Variants in MAGEE2 observed in about 807,000 individuals in gnomAD.
MAGEE2 encodes MAGE family member E2.
For missense variants in MAGEE2, 508 were observed against 391.1 expected (o/e 1.30, Z -2.52); for synonymous variants, 189 against 155.4 (o/e 1.22, Z -1.61).
At position 75,784,868 on chromosome X, in the gene MAGEE2, C is replaced by A. The variant is rs142989384; in HGVS notation, c.184G>T (p.Val62Phe). The change falls in exon 1 of 1, where the codon GTT (valine) becomes TTT (phenylalanine). Residue 62 changes from valine to phenylalanine, a missense_variant. Coordinates refer to ENST00000373359, the MANE Select transcript of MAGEE2 (RefSeq NM_138703.5). ...NSQCVNTSQA[V>F]QDPNDLEVLI... ...ACCTCCAGGTCATTCGGGTCCTGAA[C>A]GGCCTGGGAAGTGTTGACACACTGA... 6 of 1,203,363 alleles carry A rather than the reference C, an allele frequency of 5.0e-6. No individual in the cohort carries two copies. In the Admixed American group the frequency reaches 6.6e-5, roughly 13 times the overall value.
chrX:75,783,984 A>G lies in MAGEE2; in HGVS notation c.1068T>C (p.Ala356=). ...CATAGAACATATCAAGAATTAGAGT[A>G]GCTCTATTGAGGATATTTGGGAACA... ...EDVFPNILNR[A]TLILDMFYGL... The change falls in exon 1 of 1, where the codon GCT becomes GCC. Residue 356 remains alanine (A), a synonymous_variant. Coordinates refer to ENST00000373359, the MANE Select transcript of MAGEE2 (RefSeq NM_138703.5). 2 of 1,210,368 alleles carry G rather than the reference A, an allele frequency of 1.7e-6. No homozygotes were observed. The highest frequency in any genetic ancestry group is 1.8e-5 in the South Asian group (1 of 56,963).
rs373353627 is a variant in MAGEE2 at position 75,783,611 on chromosome X, A to G, written c.1441T>C (p.Leu481=). ...CTGTAGAGCCTGGCCATGTACTCCA[A>G]GACTTTCATTTTGATGGTTTCATGG... is the stretch of plus-strand genomic sequence containing the variant. ...AHHETIKMKV[L]EYMARLYRKR... is the part of the protein sequence containing the mutation. The change falls in exon 1 of 1, where the codon TTG becomes CTG. Residue 481 remains leucine, a synonymous_variant. Coordinates refer to ENST00000373359, the MANE Select transcript of MAGEE2 (RefSeq NM_138703.5). 263 of 1,209,781 alleles carry G rather than the reference A, an allele frequency of 2.2e-4. No individual in the cohort carries two copies. Among genetic ancestry groups the G allele is most frequent in the Middle Eastern group, 4.6e-4 (2 of 4,353 alleles).
Position 75,784,291 on chromosome X carries a change from C to T in MAGEE2, c.761G>A (p.Gly254Asp), listed in dbSNP as rs1488311952. The T allele has an allele frequency of 8.3e-7, 1 of 1,209,604 alleles. No individual in the cohort carries two copies. Among genetic ancestry groups the T allele is most frequent in the African/African-American group, 1.8e-5 (1 of 56,991 alleles). The change falls in exon 1 of 1, where the codon GGC (glycine) becomes GAC (aspartate). Residue 254 changes from glycine (G) to aspartate (D), a missense_variant. By Grantham distance (94) the Gly-to-Asp change is moderately conservative. Transcript: ENST00000373359. ...TNPLEFEFLW[G>D]SRAHREITKM... ...TGTGATTTCCCTGTGGGCTCTAGAG[C>T]CCCACAAGAACTCAAACTCAAGGGG...
Position 75,785,068 on chromosome X carries a change from A to T in MAGEE2, c.-17T>A. 1 of 1,119,965 alleles carries T rather than the reference A, an allele frequency of 8.9e-7. No individual in the cohort carries two copies. Among genetic ancestry groups the T allele is most frequent in the Non-Finnish European group, 1.2e-6 (1 of 851,156 alleles). The allele number at this position is 1,119,965 out of a possible 1,213,427, so 92.3% of individuals were successfully genotyped here. A position where few individuals can be genotyped will look rare whatever the true frequency, so the allele number is the denominator to read the frequency against. ...CAGAGACATGGTTCCAGGAGACAGG[A>T]GCGGGAACGGTGAGATCAGCGATCA... On this transcript the variant is annotated 5_prime_UTR_variant, in exon 1 of 1. Coordinates refer to ENST00000373359, the MANE Select transcript of MAGEE2 (RefSeq NM_138703.5).
At position 75,783,121 on chromosome X, in the gene MAGEE2, G is replaced by C. The variant is rs1396279502; in HGVS notation, c.*359C>G. ...AGAGCAATCACAGATCAGTGGTTTT[G>C]TGTTTGTTTTGTTGTGTGTGTGTCA... On this transcript the variant is annotated 3_prime_UTR_variant, in exon 1 of 1. Transcript: ENST00000373359. The C allele has an allele frequency of 1.1e-5, 2 of 187,652 alleles. No individual in the cohort carries two copies. The highest frequency in any genetic ancestry group is 9.9e-6 in the Non-Finnish European group (1 of 100,820). 15.5% of individuals were successfully genotyped at this position (187,652 alleles called of 1,213,427 possible).
chrX:75,783,798 G>C lies in MAGEE2; in HGVS notation c.1254C>G (p.Val418=), dbSNP rs145044834. The C allele has an allele frequency of 2.0e-5, 24 of 1,209,824 alleles. No individual in the cohort carries two copies. In the African/African-American group the frequency reaches 3.2e-4, roughly 16 times the overall value. The stretch of plus-strand genomic sequence containing the variant: ...GCAAGTTCCAGACATTGGCCTCTTT[G>C]ACACGGTTGCCCATCAGGAAGATCA... ...LGLIFLMGNR[V]KEANVWNLLR... is the part of the protein sequence containing the mutation. Residue 418 remains valine (V), a synonymous_variant, in exon 1 of 1, where the codon GTC becomes GTG. Transcript: ENST00000373359.
Position 75,784,380 on chromosome X carries a change from G to A in MAGEE2, c.672C>T (p.Asn224=). The A allele has an allele frequency of 8.3e-7, 1 of 1,211,571 alleles. No homozygotes were observed. Among genetic ancestry groups the A allele is most frequent in the Non-Finnish European group, 1.1e-6 (1 of 895,456 alleles). Residue 224 remains asparagine (N), a synonymous_variant, in exon 1 of 1, where the codon AAC becomes AAT. Transcript: ENST00000373359. ...RINNLFGNTR[N]LLTTDFVCMR... ...TGCACACAAAGTCAGTAGTGAGGAG[G>A]TTCCTTGTGTTCCCAAAGAGGTTGT...
Position 75,783,135 on chromosome X carries a change from G to C in MAGEE2, c.*345C>G, listed in dbSNP as rs1474657990. Reference sequence around the variant, plus strand: ...TCAGTGGTTTTGTGTTTGTTTTGTTGTGTGTGTGTCATTGTTATTTAACTC... The same window carrying C: ...TCAGTGGTTTTGTGTTTGTTTTGTTCTGTGTGTGTCATTGTTATTTAACTC... On this transcript the variant is annotated 3_prime_UTR_variant, in exon 1 of 1. Coordinates refer to ENST00000373359, the MANE Select transcript of MAGEE2 (RefSeq NM_138703.5). 5.0e-6 allele frequency: 1 copy of C among 200,851 alleles called. No homozygotes were observed. Among genetic ancestry groups the C allele is most frequent in the East Asian group, 9.4e-5 (1 of 10,637 alleles). The allele number at this position is 200,851 out of a possible 1,213,427, so 16.6% of individuals were successfully genotyped here.
At position 75,783,543 on chromosome X, in the gene MAGEE2, C is replaced by A. The variant is rs373950571; in HGVS notation, c.1509G>T (p.Val503=). ...QNWPEQYREA[V]EDEEARAKSE... ...ATTTGGCTCTGGCCTCCTCATCTTCCACAGCCTCCCTATATTGTTCTGGCC... is the reference window on the plus strand; with the variant it reads ...ATTTGGCTCTGGCCTCCTCATCTTCAACAGCCTCCCTATATTGTTCTGGCC... Residue 503 remains valine, a synonymous_variant, in exon 1 of 1, where the codon GTG becomes GTT. Coordinates refer to ENST00000373359, the MANE Select transcript of MAGEE2 (RefSeq NM_138703.5). 58 of 1,208,856 alleles carry A rather than the reference C, an allele frequency of 4.8e-5. No individual in the cohort carries two copies. Among genetic ancestry groups the A allele is most frequent in the Non-Finnish European group, 6.3e-5 (56 of 894,706 alleles).
chrX:75,783,599 C>T lies in MAGEE2; in HGVS notation c.1453G>A (p.Ala485Thr), dbSNP rs770142494. 1 of 1,211,532 alleles carries T rather than the reference C, an allele frequency of 8.3e-7. No individual in the cohort carries two copies. Among genetic ancestry groups the T allele is most frequent in the Non-Finnish European group, 1.1e-6 (1 of 895,524 alleles). The change falls in exon 1 of 1, where the codon GCC (alanine) becomes ACC (threonine). Residue 485 changes from alanine to threonine, a missense_variant. Transcript: ENST00000373359. ...TGTGGTCGCTTTCTGTAGAGCCTGG[C>T]CATGTACTCCAAGACTTTCATTTTG... is the stretch of plus-strand genomic sequence containing the variant. ...TIKMKVLEYM[A>T]RLYRKRPQNW...
Position 75,785,041 on chromosome X carries a change from AC to A in MAGEE2, c.10del (p.Val4Ter). 8.9e-7 allele frequency: 1 copy of A among 1,126,358 alleles called. No individual in the cohort carries two copies. The highest frequency in any genetic ancestry group is 3.0e-5 in the East Asian group (1 of 33,137). 92.8% of individuals were successfully genotyped at this position (1,126,358 alleles called of 1,213,427 possible). ...GCTACAGTGGCGTGCATTCTGGCTTACCAGAGACATGGTTCCAGGAGACAGG... is the reference window on the plus strand; with the variant it reads ...GCTACAGTGGCGTGCATTCTGGCTTACAGAGACATGGTTCCAGGAGACAGG... MSL[V>X]SQNARHCSAE... On this transcript the variant is annotated frameshift_variant, in exon 1 of 1. Coordinates refer to ENST00000373359, the MANE Select transcript of MAGEE2 (RefSeq NM_138703.5). LOFTEE classifies it low-confidence loss of function (END_TRUNC).
Position 75,783,657 on chromosome X carries a change from A to T in MAGEE2, c.1395T>A (p.Leu465=). The change falls in exon 1 of 1, where the codon CTT becomes CTA. Residue 465 remains leucine (L), a synonymous_variant. Coordinates refer to ENST00000373359, the MANE Select transcript of MAGEE2 (RefSeq NM_138703.5). ...LSYSNPVEYE[L]LWGPRAHHET... ...CATGGTGAGCTCGAGGACCCCATAG[A>T]AGCTCATATTCAACTGGATTAGAGT... The T allele has an allele frequency of 8.3e-7, 1 of 1,211,482 alleles. No individual in the cohort carries two copies. The highest frequency in any genetic ancestry group is 1.1e-6 in the Non-Finnish European group (1 of 895,406).
Position 75,785,096 on chromosome X carries a change from C to A in MAGEE2, c.-45G>T, listed in dbSNP as rs1353744028. 1 of 1,097,111 alleles carries A rather than the reference C, an allele frequency of 9.1e-7. No individual in the cohort carries two copies. Among genetic ancestry groups the A allele is most frequent in the East Asian group, 3.1e-5 (1 of 32,690 alleles). 90.4% of individuals were successfully genotyped at this position (1,097,111 alleles called of 1,213,427 possible). A position where few individuals can be genotyped will look rare whatever the true frequency, so the allele number is the denominator to read the frequency against. On this transcript the variant is annotated 5_prime_UTR_variant, in exon 1 of 1. Coordinates refer to ENST00000373359, the MANE Select transcript of MAGEE2 (RefSeq NM_138703.5). ...GGGAACGGTGAGATCAGCGATCAGTCGGAGAGAGGACCGCAGCAGTGTTGG... is the reference window on the plus strand; with the variant it reads ...GGGAACGGTGAGATCAGCGATCAGTAGGAGAGAGGACCGCAGCAGTGTTGG...
rs866032674 is a variant in MAGEE2, at chrX:75,784,676, G to A, written c.376C>T (p.Pro126Ser). The stretch of plus-strand genomic sequence containing the variant: ...GCTGAGGCTCGTCTGAGGATCTCAG[G>A]GAACTGATCTGAGTACTCTCTGAGA... ...EFLREYSDQF[P>S]EILRRASAHL... The change falls in exon 1 of 1, where the codon CCT becomes TCT. Residue 126 changes from proline to serine, a missense_variant. By Grantham distance (74) the Pro-to-Ser change is moderately conservative. Transcript: ENST00000373359. 1 of 1,211,416 alleles carries A rather than the reference G, an allele frequency of 8.3e-7. No homozygotes were observed. The highest frequency in any genetic ancestry group is 1.1e-6 in the Non-Finnish European group (1 of 895,365).
At position 75,784,071 on chromosome X, in the gene MAGEE2, C is replaced by T. The variant is rs985383183; in HGVS notation, c.981G>A (p.Glu327=). 1 of 1,208,761 alleles carries T rather than the reference C, an allele frequency of 8.3e-7. No individual in the cohort carries two copies. The highest frequency in any genetic ancestry group is 1.7e-5 in the African/African-American group (1 of 57,296). ...CATCCTGATGTATAGGCAGCATCTC[C>T]TCAGTGACACTAATAGCCAACTGGA... ...DLVQLAISVT[E]EMLPIHQDEL... The change falls in exon 1 of 1, where the codon GAG becomes GAA. Residue 327 remains glutamate, a synonymous_variant. Transcript: ENST00000373359.
At position 75,783,464 on chromosome X, in the gene MAGEE2, A is replaced by G; in HGVS notation, c.*16T>C. On this transcript the variant is annotated 3_prime_UTR_variant, in exon 1 of 1. Transcript: ENST00000373359. ...ACTTATGCCACTCAGCTGAAGTGAT[A>G]CATATTCCCTAGACTTCACGTGGGG... 8.4e-7 allele frequency: 1 copy of G among 1,191,657 alleles called. No individual in the cohort carries two copies.
chrX:75,783,819 G>T lies in MAGEE2; in HGVS notation c.1233C>A (p.Ile411=). 1 of 1,211,842 alleles carries T rather than the reference G, an allele frequency of 8.3e-7. No homozygotes were observed. The highest frequency in any genetic ancestry group is 1.1e-6 in the Non-Finnish European group (1 of 895,558). ...CTTTGACACGGTTGCCCATCAGGAA[G>T]ATCAAACCTAGGATTGGCATTACAT... ...QEYVMPILGL[I]FLMGNRVKEA... The change falls in exon 1 of 1, where the codon ATC becomes ATA. Residue 411 remains isoleucine (I), a synonymous_variant. Coordinates refer to ENST00000373359, the MANE Select transcript of MAGEE2 (RefSeq NM_138703.5).
rs762148191 is a variant in MAGEE2, at chrX:75,783,644, G to C, written c.1408C>G (p.Arg470Gly). The C allele has an allele frequency of 1.7e-6, 2 of 1,209,594 alleles. No individual in the cohort carries two copies. Among genetic ancestry groups the C allele is most frequent in the African/African-American group, 3.5e-5 (2 of 57,010 alleles). Residue 470 changes from arginine (R) to glycine (G), a missense_variant, in exon 1 of 1, where the codon CGA becomes GGA. Transcript: ENST00000373359. ...PVEYELLWGP[R>G]AHHETIKMKV... ...ATTTTGATGGTTTCATGGTGAGCTC[G>C]AGGACCCCATAGAAGCTCATATTCA...
chrX:75,783,622 T>C lies in MAGEE2; in HGVS notation c.1430A>G (p.Lys477Arg), dbSNP rs1436434967. The change falls in exon 1 of 1, where the codon AAA becomes AGA. Residue 477 changes from lysine (K) to arginine (R), a missense_variant. By Grantham distance (26) the Lys-to-Arg change is conservative (BLOSUM62 2). Transcript: ENST00000373359. The part of the protein sequence containing the change: ...WGPRAHHETI[K>R]MKVLEYMARL... ...GGCCATGTACTCCAAGACTTTCATT[T>C]TGATGGTTTCATGGTGAGCTCGAGG... The C allele has an allele frequency of 8.3e-7, 1 of 1,209,904 alleles. No homozygotes were observed. Among genetic ancestry groups the C allele is most frequent in the Non-Finnish European group, 1.1e-6 (1 of 895,303 alleles).
Sources: gnomAD v4.1 joint callset for allele counts on GRCh38, gnomAD v4.1.1 for gene constraint, MANE v1.5 for transcripts, NCBI Gene and HGNC (gene_info 2026-07-23, HGNC 2026-07-21) for gene names.